PPP3CA: variants seen among roughly 807,000 people sequenced by gnomAD.
The protein encoded by PPP3CA is protein phosphatase 3 catalytic subunit alpha.
In PPP3CA, 14 loss-of-function variants were observed where a neutral mutation model predicts 66.5. The ratio of observed to expected loss-of-function variants is 0.21; its 90% CI spans 0.14 to 0.33. The LOEUF is 0.33. PPP3CA is among the 10% of genes least tolerant of loss of function. The probability of loss-of-function intolerance (pLI) is 1.00; values close to 1 mark genes in which losing one functional copy is unlikely to be tolerated. For missense variants in PPP3CA, 317 were observed against 639.5 expected (o/e 0.50, Z 5.44); for synonymous variants, 232 against 226.2 (o/e 1.03, Z -0.23).
At chr4:101,165,341 C>T (rs1266906213) in intron 2 of PPP3CA, among the ~76,000 whole-genome samples, 1 of 152,112 alleles carries the variant, frequency 6.6e-6, no homozygotes, top group Non-Finnish European at 1.5e-5. Flanking sequence ...TGAAATAATG[C>T]CATTTTTAAA....
chr4:101,248,931 C>T (rs1030861989), intron 1 of PPP3CA, among the ~76,000 whole-genome samples: 1 of 151,732 alleles, frequency 6.6e-6, no homozygotes, highest in Non-Finnish European at 1.5e-5. Flanking sequence ...GAGGCCGAGG[C>T]GGGTGGATCA....
At chr4:101,247,886 C>T (rs1246018122) in intron 1 of PPP3CA, among the ~76,000 whole-genome samples, 1 of 151,504 alleles carries the variant, frequency 6.6e-6, no homozygotes, top group African/African-American at 2.4e-5. Context: ...GGACAAAAAA[C>T]CTATATATAT....
intron 1 of PPP3CA, among the ~76,000 whole-genome samples, chr4:101,289,420 A>T (rs1289446536): frequency 6.6e-6 from 1 of 152,240 alleles, no homozygotes; most frequent in African/African-American, 2.4e-5. Flanking sequence ...GCCTTCTTAT[A>T]GAATGGGCTT....
rs891437790 is a variant in PPP3CA, at chr4:101,067,208, G to A, written c.956-3851C>T. ...ATCCCACGAATCTGGAAGACTGACT[G>A]CCAGTCCTTTTTCTGATGTCAAAAT... On this transcript the variant is annotated intron_variant, in intron 8 of 13. Transcript: ENST00000394854. Among the ~76,000 whole-genome samples, 8 of 152,254 alleles carry A rather than the reference G, an allele frequency of 5.3e-5. 1 individual carries two copies. The South Asian group carries it at 1.7e-3, about 32-fold the overall frequency.
chr4:101,227,131 TAC>T (rs1725809441), intron 1 of PPP3CA, among the ~76,000 whole-genome samples: 3 of 151,502 alleles, frequency 2.0e-5, no homozygotes, highest in Admixed American at 2.0e-4. Flanking sequence ...CATACATACA[TAC>T]ATACATACAT....
At chr4:101,094,924 T>A (rs1578440892) in intron 5 of PPP3CA, among the ~76,000 whole-genome samples, 1 of 152,138 alleles carries the variant, frequency 6.6e-6, no homozygotes, top group South Asian at 2.1e-4. Flanking sequence ...TTGATATTTT[T>A]AAAAATCCAA....
chr4:101,130,938 T>C (rs991152312), intron 2 of PPP3CA, among the ~76,000 whole-genome samples: 1 of 152,102 alleles, frequency 6.6e-6, no homozygotes, highest in African/African-American at 2.4e-5. Flanking sequence ...TTAAAAGGCA[T>C]AGACTGGGCT....
intron 3 of PPP3CA, among the ~76,000 whole-genome samples, chr4:101,103,472 C>T (rs896215199): frequency 6.6e-6 from 1 of 152,230 alleles, no homozygotes; most frequent in Non-Finnish European, 1.5e-5. Context: ...ATATAGACGA[C>T]TGGCTACAGG....
chr4:101,135,897 G>A (rs1722606217), intron 2 of PPP3CA, among the ~76,000 whole-genome samples: 1 of 152,058 alleles, frequency 6.6e-6, no homozygotes, highest in South Asian at 2.1e-4. Context: ...TTGAACTCTG[G>A]TTCAAATGGC....
chr4:101,080,407 C>G (rs1233658953), intron 8 of PPP3CA, 125 bp downstream of exon 8: 2 of 430,912 alleles, frequency 4.6e-6, no homozygotes, highest in South Asian at 2.1e-4. Context: ...ATGCATGAAA[C>G]AATAACTGAA....
chr4:101,129,479 A>G (rs1722357237), intron 2 of PPP3CA, among the ~76,000 whole-genome samples: 1 of 152,148 alleles, frequency 6.6e-6, no homozygotes, highest in Admixed American at 6.5e-5. Context: ...GGGTCAACAG[A>G]CATCTCATAT....
At chr4:101,091,346 A>T (rs1393407896) in intron 6 of PPP3CA, among the ~76,000 whole-genome samples, 2 of 152,206 alleles carry the variant, frequency 1.3e-5, no homozygotes, top group Non-Finnish European at 2.9e-5. Flanking sequence ...TCCCAAATTA[A>T]TTACTGAAAA....
intron 1 of PPP3CA, among the ~76,000 whole-genome samples, chr4:101,312,881 C>A (rs1728771756): frequency 6.6e-6 from 1 of 152,140 alleles, no homozygotes; most frequent in South Asian, 2.1e-4. Flanking sequence ...CAGGCAAAAC[C>A]AGCATCTTTG....
chr4:101,070,069 T>A (rs1728849065), intron 8 of PPP3CA, among the ~76,000 whole-genome samples: 1 of 152,162 alleles, frequency 6.6e-6, no homozygotes, highest in African/African-American at 2.4e-5. Flanking sequence ...GTTTCCATTC[T>A]TGATATAGGG....
chr4:101,061,222 T>G, intron 9 of PPP3CA, 61 bp from the exon 10 acceptor site: 1 of 1,413,270 alleles, frequency 7.1e-7, no homozygotes, highest in South Asian at 1.2e-5. Flanking sequence ...TAACTATTAC[T>G]CTGGCATTGT....
chr4:101,074,745 C>T (rs925509206), intron 8 of PPP3CA, among the ~76,000 whole-genome samples: 2 of 152,028 alleles, frequency 1.3e-5, no homozygotes, highest in African/African-American at 4.8e-5. Context: ...GAGTAAAATG[C>T]TTTTTATCAG....
intron 10 of PPP3CA, among the ~76,000 whole-genome samples, chr4:101,057,617 A>G (rs1241350158): frequency 6.6e-6 from 1 of 152,136 alleles, no homozygotes; most frequent in East Asian, 1.9e-4. Context: ...CAGTTTCCAA[A>G]TTCAATGGAG....
At chr4:101,270,836 G>GT (rs1242251096) in intron 1 of PPP3CA, among the ~76,000 whole-genome samples, 1 of 151,952 alleles carries the variant, frequency 6.6e-6, no homozygotes, top group African/African-American at 2.4e-5. Flanking sequence ...AGTCCTTTTT[G>GT]TAAGTTTGAA....
Position 101,024,125 on chromosome 4 carries a change from C to T in PPP3CA, c.*1740G>A, listed in dbSNP as rs1347344829. ...TGGCATCTGCTCTTTAAACAGGCTT[C>T]TCTTATCTGATTTGAGACACAAATC... On this transcript the variant is annotated 3_prime_UTR_variant, in exon 14 of 14. Coordinates refer to ENST00000394854, the MANE Select transcript of PPP3CA (RefSeq NM_000944.5). 3 of 152,190 alleles carry T rather than the reference C, an allele frequency of 2.0e-5. No homozygotes were observed. Among genetic ancestry groups the T allele is most frequent in the Non-Finnish European group, 4.4e-5 (3 of 68,032 alleles). The allele number at this position is 152,190 out of a possible 1,614,324, so 9.4% of individuals were successfully genotyped here.
Sources: gnomAD v4.1 joint callset for allele counts (sites outside exome capture counted in the v4.1 genomes callset) on GRCh38, gnomAD v4.1.1 for gene constraint, MANE v1.5 for transcripts, NCBI Gene and HGNC (gene_info 2026-07-23, HGNC 2026-07-21) for gene names.